TRAPPC9: variants seen among roughly 807,000 people sequenced by gnomAD.
The protein encoded by TRAPPC9 is trafficking protein particle complex subunit 9, also known as IKK2 binding protein.
In TRAPPC9, 83 loss-of-function variants were observed where a neutral mutation model predicts 124.0. The ratio of observed to expected loss-of-function variants is 0.67; its 90% CI spans 0.56 to 0.80. The LOEUF (loss-of-function observed/expected upper bound fraction) is 0.80. TRAPPC9 is among the 30% of genes least tolerant of loss of function. The pLI is 0.00. For synonymous variants in TRAPPC9, 638 were observed against 617.5 expected, an observed-to-expected ratio of 1.03 and a Z score of -0.49; for missense variants, 1,302 against 1,508.3, an observed-to-expected ratio of 0.86 and a Z score of 2.27.
intron 11 of TRAPPC9, among the ~76,000 whole-genome samples, chr8:140,299,940 T>C (rs1184007394): frequency 1.3e-5 from 2 of 152,214 alleles, no homozygotes; most frequent in African/African-American, 4.8e-5. Flanking sequence ...CATCCAACCC[T>C]GAATCTTTCT....
chr8:140,010,546 G>C (rs906680897), intron 18 of TRAPPC9, among the ~76,000 whole-genome samples: 1 of 152,108 alleles, frequency 6.6e-6, no homozygotes, highest in Non-Finnish European at 1.5e-5. Flanking sequence ...TTACATATAA[G>C]AGAATACACA....
At chr8:139,753,541 G>T (rs1819504876) in intron 21 of TRAPPC9, among the ~76,000 whole-genome samples, 1 of 152,218 alleles carries the variant, frequency 6.6e-6, no homozygotes, top group Non-Finnish European at 1.5e-5. Flanking sequence ...TACTCCCAGT[G>T]GCTGCTGAAT....
In TRAPPC9 at chr8:140,197,786, G is replaced by A. The variant is rs188557966; in HGVS notation, c.2556+23673C>T. ...AAGAAAACAACGCGAGATTTGTCAC[G>A]GGGGAGCCAGCACGGGCTAAAGACA... is the stretch of plus-strand genomic sequence containing the variant. On this transcript the variant is annotated intron_variant, in intron 17 of 22. Coordinates refer to ENST00000438773, the MANE Select transcript of TRAPPC9 (RefSeq NM_001160372.4). 2.2e-4 allele frequency among the ~76,000 whole-genome samples: 34 copies of A among 152,024 alleles called. No homozygotes were observed. In the East Asian group the frequency reaches 5.6e-3, roughly 25 times the overall value.
intron 21 of TRAPPC9, among the ~76,000 whole-genome samples, chr8:139,754,414 C>T (rs1013901895): frequency 5.3e-5 from 8 of 152,258 alleles, no homozygotes; most frequent in Non-Finnish European, 1.0e-4. Flanking sequence ...GCCAGAGCCA[C>T]AGTCCACAGG....
At chr8:139,813,596 A>G (rs1032865647) in intron 21 of TRAPPC9, among the ~76,000 whole-genome samples, 2 of 152,220 alleles carry the variant, frequency 1.3e-5, no homozygotes, top group Non-Finnish European at 2.9e-5. Context: ...GGGAGAGGCA[A>G]ACAGCTCACC....
rs1223755833 is a variant in TRAPPC9, at chr8:139,956,255, G to A, written c.2810+32471C>T. Reference sequence around the variant, plus strand: ...CGGCTCACTGCAACCTCTGCCCCCCGGATTCAAGCAATTCTCCTGACTCAG... The same window carrying A: ...CGGCTCACTGCAACCTCTGCCCCCCAGATTCAAGCAATTCTCCTGACTCAG... On this transcript the variant is annotated intron_variant, in intron 19 of 22. Transcript: ENST00000438773. 2.7e-5 allele frequency among the ~76,000 whole-genome samples: 4 copies of A among 150,782 alleles called. No individual in the cohort carries two copies. The South Asian group carries it at 6.5e-4, about 25-fold the overall frequency.
At chr8:140,125,325 C>G (rs1020270548) in intron 17 of TRAPPC9, among the ~76,000 whole-genome samples, 4 of 152,230 alleles carry the variant, frequency 2.6e-5, no homozygotes, top group Non-Finnish European at 5.9e-5. Context: ...GAGTGCTGCT[C>G]AGCAGACGGC....
intron 17 of TRAPPC9, among the ~76,000 whole-genome samples, chr8:140,187,111 C>T (rs930790924): frequency 4.6e-5 from 7 of 152,054 alleles, no homozygotes; most frequent in Non-Finnish European, 1.0e-4. Flanking sequence ...ATACAGTCAC[C>T]CCTCGAACTA....
At chr8:139,938,473 G>A (rs961295329) in intron 19 of TRAPPC9, among the ~76,000 whole-genome samples, 1 of 151,868 alleles carries the variant, frequency 6.6e-6, no homozygotes, top group African/African-American at 2.4e-5. Context: ...TTTTAGTAGA[G>A]ATGAGTTTTC....
At chr8:140,261,021 C>T (rs11166968) in intron 15 of TRAPPC9, among the ~76,000 whole-genome samples, 15,854 of 152,242 alleles carry the variant, frequency 0.1, 1,090 homozygotes, top group Admixed American at 0.17. Flanking sequence ...GCCATCTTAC[C>T]AGCTCTTTGA....
rs138015812 is a variant in TRAPPC9 at position 139,972,826 on chromosome 8, C to G, written c.2810+15900G>C. On this transcript the variant is annotated intron_variant, in intron 19 of 22. Coordinates refer to ENST00000438773, the MANE Select transcript of TRAPPC9 (RefSeq NM_001160372.4). ...AAACAAAAATTTCTTTTCCCATTACCAAAATGCTTATAGATGAGGCAGACG... is the reference window on the plus strand; with the variant it reads ...AAACAAAAATTTCTTTTCCCATTACGAAAATGCTTATAGATGAGGCAGACG... Among the ~76,000 whole-genome samples, 476 of 152,266 alleles carry G rather than the reference C, an allele frequency of 3.1e-3. 2 individuals are homozygous for G. Among genetic ancestry groups the G allele is most frequent in the African/African-American group, 0.01 (435 of 41,550 alleles).
chr8:140,308,122 C>T (rs2066187425), intron 10 of TRAPPC9, among the ~76,000 whole-genome samples: 1 of 151,894 alleles, frequency 6.6e-6, no homozygotes, highest in African/African-American at 2.4e-5. Flanking sequence ...ACAGGCATTC[C>T]AAGCCAGAGA....
rs56895763 is a variant in TRAPPC9 at position 140,002,844 on chromosome 8, CAAAAAAAAAAAAAAA to C, written c.2700-14023_2700-14009del. ...GTTGGGACAACTGGATTCCACTTATCAAAAAAAAAAAAAAAAAAAAAAAGGAAAAGAAATTTAAAC... is the reference window on the plus strand; with the variant it reads ...GTTGGGACAACTGGATTCCACTTATCAAAAAAAAGGAAAAGAAATTTAAAC... On this transcript the variant is annotated intron_variant, in intron 18 of 22. Transcript: ENST00000438773. 4.2e-3 allele frequency among the ~76,000 whole-genome samples: 292 copies of C among 68,836 alleles called. 2 individuals are homozygous for C. The highest frequency in any genetic ancestry group is 0.045 in the Middle Eastern group (2 of 44). The allele number at this position is 68,836 out of a possible 152,430, so 45.2% of individuals were successfully genotyped here. A position where few individuals can be genotyped will look rare whatever the true frequency, so the allele number is the denominator to read the frequency against.
At chr8:139,751,877 C>CCCAT (rs371020119) in intron 21 of TRAPPC9, among the ~76,000 whole-genome samples, 5 of 151,310 alleles carry the variant, frequency 3.3e-5, no homozygotes, top group Admixed American at 1.3e-4. Context: ...TCACCATCTA[C>CCCAT]CCATCCATCC....
intron 10 of TRAPPC9, among the ~76,000 whole-genome samples, chr8:140,301,798 G>A (rs527523236): frequency 4.6e-5 from 7 of 152,194 alleles, no homozygotes; most frequent in Non-Finnish European, 1.0e-4. Context: ...TTAGAGTGAC[G>A]GGCCAGCCCC....
At chr8:140,114,893 G>A (rs1490806252) in intron 17 of TRAPPC9, among the ~76,000 whole-genome samples, 2 of 152,176 alleles carry the variant, frequency 1.3e-5, no homozygotes, top group African/African-American at 4.8e-5. Context: ...CAATATCCAC[G>A]GAATAATACA....
At chr8:140,227,391 G>A (rs914611402) in intron 16 of TRAPPC9, among the ~76,000 whole-genome samples, 4 of 152,060 alleles carry the variant, frequency 2.6e-5, no homozygotes, top group East Asian at 1.9e-4. Context: ...AGATGAAGGC[G>A]GCCTAGTAGG....
intron 8 of TRAPPC9, among the ~76,000 whole-genome samples, chr8:140,365,409 G>GT (rs1411644186): frequency 6.6e-6 from 1 of 152,222 alleles, no homozygotes; most frequent in Non-Finnish European, 1.5e-5. Context: ...TCACCAGGCT[G>GT]TAAGAAATGA....
At chr8:140,041,580 C>T (rs1241223446) in intron 17 of TRAPPC9, among the ~76,000 whole-genome samples, 11 of 152,268 alleles carry the variant, frequency 7.2e-5, no homozygotes, top group Admixed American at 2.6e-4. Flanking sequence ...CATCACCCAA[C>T]CCCTTCTGCA....
Sources: gnomAD v4.1 joint callset for allele counts (sites outside exome capture counted in the v4.1 genomes callset) on GRCh38, gnomAD v4.1.1 for gene constraint, MANE v1.5 for transcripts, NCBI Gene and HGNC (gene_info 2026-07-23, HGNC 2026-07-21) for gene names.